The following MAN1C1 variants were observed in gnomAD, a reference collection of about 807,000 sequenced individuals.
The protein encoded by MAN1C1 is mannosidase alpha class 1C member 1.
In MAN1C1, 49 loss-of-function variants were observed where a neutral mutation model predicts 71.5. The ratio of observed to expected loss-of-function variants is 0.69; its 90% CI spans 0.54 to 0.87. The LOEUF (loss-of-function observed/expected upper bound fraction) is 0.87, where lower values mean the gene tolerates loss of function less well. Ranked by LOEUF, MAN1C1 falls within the 40% of genes least tolerant of loss-of-function variation. The probability of loss-of-function intolerance (pLI) is 0.00; values close to 1 mark genes in which losing one functional copy is unlikely to be tolerated. For missense variants in MAN1C1, 743 were observed against 835.0 expected, an observed-to-expected ratio of 0.89 and a Z score of 1.36; for synonymous variants, 352 against 343.7, an observed-to-expected ratio of 1.02 and a Z score of -0.27.
intron 1 of MAN1C1, among the ~76,000 whole-genome samples, chr1:25,639,234 G>A (rs1215777341): frequency 1.3e-5 from 2 of 152,032 alleles, no homozygotes; most frequent in South Asian, 4.1e-4. Context: ...TTTCCCATCT[G>A]TTCACTGATT....
At chr1:25,715,708 C>G (rs1015649924) in intron 2 of MAN1C1, among the ~76,000 whole-genome samples, 1 of 152,156 alleles carries the variant, frequency 6.6e-6, no homozygotes, top group African/African-American at 2.4e-5. Context: ...CTCCCTTGAG[C>G]AGTATAGAGC....
chr1:25,731,336 G>GTCATCA (rs61554526), intron 2 of MAN1C1, among the ~76,000 whole-genome samples: 1,969 of 150,632 alleles, frequency 0.013, 25 homozygotes, highest in African/African-American at 0.031. Context: ...CATCATCATC[G>GTCATCA]TCATCATCAT....
chr1:25,682,146 G>A (rs1486871759), intron 1 of MAN1C1, among the ~76,000 whole-genome samples: 1 of 152,178 alleles, frequency 6.6e-6, no homozygotes, highest in Non-Finnish European at 1.5e-5. Flanking sequence ...GCTGGGTCCA[G>A]GAGAGAGACT....
At position 25,617,629 on chromosome 1, in the gene MAN1C1, A is replaced by T; in HGVS notation, c.-169A>T. 1.8e-6 allele frequency: 1 copy of T among 556,106 alleles called. No individual in the cohort carries two copies. 34.4% of individuals were successfully genotyped at this position (556,106 alleles called of 1,614,324 possible). On this transcript the variant is annotated 5_prime_UTR_variant, in exon 1 of 12. Transcript: ENST00000374332. The surrounding 1 kb of genome is among the most constrained non-coding windows in gnomAD (Gnocchi z 5.1). ...CTCCTCGCGGGAGGACTCGCTCCAA[A>T]CTCCCTGAACTTCGGGGACAGTCCC...
At position 25,678,772 on chromosome 1, in the gene MAN1C1, A is replaced by G. The variant is rs567971289; in HGVS notation, c.541-7668A>G. On this transcript the variant is annotated intron_variant, in intron 1 of 11. Transcript: ENST00000374332. ...TATATAGCTATTAAAAGTGATGTTT[A>G]CAAAGCCTTTGTAATAAAATTGGAA... 3.9e-5 allele frequency among the ~76,000 whole-genome samples: 6 copies of G among 152,332 alleles called. No homozygotes were observed. The South Asian group carries it at 8.3e-4, about 21-fold the overall frequency.
intron 1 of MAN1C1, among the ~76,000 whole-genome samples, chr1:25,666,396 C>T (rs561212895): frequency 3.3e-5 from 5 of 152,298 alleles, no homozygotes; most frequent in South Asian, 4.1e-4. Context: ...TAAGTGGTCC[C>T]AGCTAGACCT....
rs1488762150 is a variant in MAN1C1, at chr1:25,618,189, C to T, written c.392C>T (p.Ala131Val). 1 of 1,578,786 alleles carries T rather than the reference C, an allele frequency of 6.3e-7. No homozygotes were observed. The highest frequency in any genetic ancestry group is 1.4e-5 in the African/African-American group (1 of 73,980). ...GCGGCCCGGGGCAATAGCATCCCGG[C>T]CTCCAGGCCCGGGGACGAGGGCGTC... ...ATAARGNSIPASRPGDEGVPF... is the reference protein window; with the variant it reads ...ATAARGNSIPVSRPGDEGVPF... Residue 131 changes from alanine (A) to valine (V), a missense_variant, in exon 1 of 12, where the codon GCC becomes GTC. By Grantham distance (64) the Ala-to-Val change is moderately conservative. Coordinates refer to ENST00000374332, the MANE Select transcript of MAN1C1 (RefSeq NM_020379.4).
intron 6 of MAN1C1, among the ~76,000 whole-genome samples, chr1:25,762,693 G>C (rs1200017795): frequency 6.6e-6 from 1 of 152,038 alleles, no homozygotes; most frequent in Non-Finnish European, 1.5e-5. Context: ...CTCCCAAAGT[G>C]CTGGGATTAT....
intron 1 of MAN1C1, among the ~76,000 whole-genome samples, chr1:25,647,201 A>G (rs1207722743): frequency 6.6e-6 from 1 of 152,126 alleles, no homozygotes; most frequent in Non-Finnish European, 1.5e-5. Flanking sequence ...GGCATTCACA[A>G]GTGCAGCTGG....
intron 2 of MAN1C1, among the ~76,000 whole-genome samples, chr1:25,695,612 C>T (rs1258993145): frequency 6.6e-6 from 1 of 151,070 alleles, no homozygotes; most frequent in African/African-American, 2.4e-5. Flanking sequence ...CGACCACTCA[C>T]CGCTCCACAC....
intron 6 of MAN1C1, chr1:25,760,049 G>A (rs564125329): frequency 6.6e-6 from 1 of 152,180 alleles, no homozygotes; most frequent in East Asian, 1.9e-4. Context: ...CAACCTCCCT[G>A]TTGCCATTGC....
chr1:25,618,253 C>G lies in MAN1C1; in HGVS notation c.456C>G (p.Leu152=). The change falls in exon 1 of 12, where the codon CTC becomes CTG. Residue 152 remains leucine, a synonymous_variant. Coordinates refer to ENST00000374332, the MANE Select transcript of MAN1C1 (RefSeq NM_020379.4). ...ACTTCAACGCATTCCGGAGCCGTCT[C>G]CGCCACCCGGTCCTGGGAACGAGGG... The part of the protein sequence containing the change: ...RFDFNAFRSR[L]RHPVLGTRAD... The G allele has an allele frequency of 6.2e-7, 1 of 1,603,270 alleles. No homozygotes were observed. Among genetic ancestry groups the G allele is most frequent in the Non-Finnish European group, 8.5e-7 (1 of 1,176,772 alleles).
At position 25,747,685 on chromosome 1, in the gene MAN1C1, G is replaced by A. The variant is rs891711788; in HGVS notation, c.753+902G>A. On this transcript the variant is annotated intron_variant, in intron 3 of 11. Transcript: ENST00000374332. ...AGAGAGTCTGGGAGAGCCTGGGAAC[G>A]CAACACTTTAGGGGAGCTTCCCTGG... Among the ~76,000 whole-genome samples, 13 of 152,250 alleles carry A rather than the reference G, an allele frequency of 8.5e-5. No individual in the cohort carries two copies. The South Asian group carries it at 1.0e-3, about 12-fold the overall frequency.
chr1:25,653,639 C>T (rs192778919), intron 1 of MAN1C1, among the ~76,000 whole-genome samples: 2 of 152,126 alleles, frequency 1.3e-5, no homozygotes, highest in South Asian at 2.1e-4. Context: ...TCACAGAGGC[C>T]GTTGGTCTTA....
intron 4 of MAN1C1, 100 bp downstream of exon 4, chr1:25,749,435 T>A: frequency 1.8e-6 from 2 of 1,092,708 alleles, no homozygotes; most frequent in Non-Finnish European, 2.6e-6. Context: ...AAAAGGGACT[T>A]AAGGGGGCAG....
At position 25,690,288 on chromosome 1, in the gene MAN1C1, C is replaced by CTT. The variant is rs33932251; in HGVS notation, c.637+3773_637+3774dup. On this transcript the variant is annotated intron_variant, in intron 2 of 11. Transcript: ENST00000374332. ...CTCAGGCTAAGGCTGATCTCTGCCT[C>CTT]TTTTTTTTTTTTTTTTTTTTTTGAG... Among the ~76,000 whole-genome samples the CTT allele has an allele frequency of 8.5e-3, 1,012 of 119,658 alleles. 33 individuals are homozygous for CTT. Among genetic ancestry groups the CTT allele is most frequent in the African/African-American group, 0.026 (721 of 27,476 alleles). The allele number at this position is 119,658 out of a possible 152,430, so 78.5% of individuals were successfully genotyped here.
At chr1:25,749,890 C>T in intron 4 of MAN1C1, among the ~76,000 whole-genome samples, 1 of 152,250 alleles carries the variant, frequency 6.6e-6, no homozygotes, top group South Asian at 2.1e-4. Flanking sequence ...ACACCTGCTC[C>T]AGGTCTCACG....
At chr1:25,734,741 T>C (rs2046958459) in intron 2 of MAN1C1, among the ~76,000 whole-genome samples, 1 of 152,224 alleles carries the variant, frequency 6.6e-6, no homozygotes, top group Non-Finnish European at 1.5e-5. Flanking sequence ...CAAAGGCACC[T>C]TGACCCTGCA....
intron 1 of MAN1C1, among the ~76,000 whole-genome samples, chr1:25,656,038 G>A (rs549875591): frequency 1.3e-4 from 19 of 150,346 alleles, no homozygotes; most frequent in African/African-American, 4.7e-4. Context: ...TTTTGGGAGG[G>A]CCCCAAATGG....
Sources: gnomAD v4.1 joint callset for allele counts (sites outside exome capture counted in the v4.1 genomes callset) on GRCh38, gnomAD v4.1.1 for gene constraint, Gnocchi (gnomAD v3.1) non-coding constraint, MANE v1.5 for transcripts, NCBI Gene and HGNC (gene_info 2026-07-23, HGNC 2026-07-21) for gene names.